Variants in SAMSN1 observed in about 807,000 individuals in gnomAD.
SAMSN1 encodes the protein SAM domain, SH3 domain and nuclear localization signals 1, also known as SAM domain-containing protein SAMSN-1.
Under a neutral mutation model 42.0 loss-of-function variants are expected in SAMSN1, and 31 were observed. That is an observed-to-expected ratio of 0.74 (90% CI 0.55 to 1.00). The LOEUF (loss-of-function observed/expected upper bound fraction) is 1.00, where lower values mean the gene tolerates loss of function less well. Ranked by LOEUF, SAMSN1 falls within the 50% of genes least tolerant of loss-of-function variation. The probability of loss-of-function intolerance (pLI) is 0.00; values close to 1 mark genes in which losing one functional copy is unlikely to be tolerated. For synonymous variants in SAMSN1, 178 were observed against 151.9 expected, an observed-to-expected ratio of 1.17 and a Z score of -1.26; for missense variants, 464 against 439.4, an observed-to-expected ratio of 1.06 and a Z score of -0.50.
chr21:14,606,735 A>T (rs926909240), intron 5 of SAMSN1, among the ~76,000 whole-genome samples: 1 of 152,206 alleles, frequency 6.6e-6, no homozygotes, highest in African/African-American at 2.4e-5. Flanking sequence ...CTTTTAATAG[A>T]ACAGATGTAG....
chr21:14,527,643 A>C (rs1362126004), intron 1 of SAMSN1, among the ~76,000 whole-genome samples: 1 of 152,170 alleles, frequency 6.6e-6, no homozygotes, highest in East Asian at 1.9e-4. Flanking sequence ...CGGTTTTACA[A>C]TGTTTTGTCA....
intron 1 of SAMSN1, among the ~76,000 whole-genome samples, chr21:14,648,018 A>G (rs1024197913): frequency 7.4e-5 from 11 of 149,348 alleles, no homozygotes; most frequent in Non-Finnish European, 1.5e-4. Flanking sequence ...AACTTCCAAC[A>G]CTATGTTGAA....
intron 2 of SAMSN1, among the ~76,000 whole-genome samples, chr21:14,578,131 A>G (rs999088324): frequency 6.6e-6 from 1 of 152,212 alleles, no homozygotes; most frequent in African/African-American, 2.4e-5. Context: ...CTATTTCACT[A>G]AATTTTTCTA....
At chr21:14,620,869 TG>T (rs1161451430) in intron 2 of SAMSN1, among the ~76,000 whole-genome samples, 5 of 152,242 alleles carry the variant, frequency 3.3e-5, no homozygotes, top group African/African-American at 1.2e-4. Context: ...TATGTAAATA[TG>T]TATAACACAC....
intron 1 of SAMSN1, among the ~76,000 whole-genome samples, chr21:14,649,747 G>A (rs1161286531): frequency 6.6e-6 from 1 of 150,634 alleles, no homozygotes; most frequent in Non-Finnish European, 1.5e-5. Flanking sequence ...TCCAGGCTGG[G>A]TGACGGAGTG....
intron 1 of SAMSN1, among the ~76,000 whole-genome samples, chr21:14,531,373 T>C (rs1268365080): frequency 6.6e-6 from 1 of 152,122 alleles, no homozygotes; most frequent in Non-Finnish European, 1.5e-5. Context: ...AAATTATGTC[T>C]ATTCAATTTT....
chr21:14,513,460 A>T (rs1263274837), intron 3 of SAMSN1, among the ~76,000 whole-genome samples: 3 of 152,150 alleles, frequency 2.0e-5, no homozygotes, highest in Non-Finnish European at 2.9e-5. Context: ...AAACAAGATA[A>T]CAGGGTGCTT....
At chr21:14,574,720 A>G (rs1436780350) in intron 2 of SAMSN1, among the ~76,000 whole-genome samples, 1 of 152,186 alleles carries the variant, frequency 6.6e-6, no homozygotes, top group East Asian at 1.9e-4. Flanking sequence ...TTCTCATTTT[A>G]TCTTTATTTT....
chr21:14,568,360 A>G (rs992567618), intron 2 of SAMSN1, among the ~76,000 whole-genome samples: 8 of 152,162 alleles, frequency 5.3e-5, no homozygotes, highest in African/African-American at 1.9e-4. Context: ...GTGCCACTGT[A>G]TGACAGCCAA....
rs77704784 is a variant in SAMSN1, at chr21:14,572,950, C to T, written c.261+9186G>A. ...GTTATCCTCTTTGAGCTTCAGATTTCTACATATAAAATAGAAATAATGATA... is the reference window on the plus strand; with the variant it reads ...GTTATCCTCTTTGAGCTTCAGATTTTTACATATAAAATAGAAATAATGATA... On this transcript the variant is annotated intron_variant, in intron 2 of 8. Coordinates refer to the SAMSN1 transcript ENST00000285670. 6.9e-3 allele frequency among the ~76,000 whole-genome samples: 1,045 copies of T among 152,248 alleles called. 8 individuals are homozygous for T. Among genetic ancestry groups the T allele is most frequent in the African/African-American group, 0.024 (990 of 41,546 alleles).
chr21:14,518,597 A>T (rs1191191085), intron 2 of SAMSN1, among the ~76,000 whole-genome samples: 1 of 152,208 alleles, frequency 6.6e-6, no homozygotes, highest in Admixed American at 6.5e-5. Flanking sequence ...AAATGATGGG[A>T]AACTTCTCTT....
At chr21:14,570,189 G>C (rs1981255166) in intron 2 of SAMSN1, among the ~76,000 whole-genome samples, 1 of 152,032 alleles carries the variant, frequency 6.6e-6, no homozygotes, top group Admixed American at 6.6e-5. Flanking sequence ...CTCTCCACAG[G>C]GAGGAAAAAG....
chr21:14,636,920 T>C (rs1749002572), intron 2 of SAMSN1, among the ~76,000 whole-genome samples: 1 of 152,238 alleles, frequency 6.6e-6, no homozygotes, highest in African/African-American at 2.4e-5. Context: ...TGTTATACTT[T>C]AACATCTGTG....
At chr21:14,487,104 C>G (rs867465239) in intron 7 of SAMSN1, among the ~76,000 whole-genome samples, 1 of 152,066 alleles carries the variant, frequency 6.6e-6, no homozygotes, top group Non-Finnish European at 1.5e-5. Flanking sequence ...CCCTTCTAAC[C>G]TTGGGGCTTC....
At chr21:14,633,318 T>C (rs1397220511) in intron 2 of SAMSN1, among the ~76,000 whole-genome samples, 1 of 152,186 alleles carries the variant, frequency 6.6e-6, no homozygotes, top group Non-Finnish European at 1.5e-5. Flanking sequence ...CCTTCTGCAC[T>C]ACCAAAAGGA....
intron 4 of SAMSN1, among the ~76,000 whole-genome samples, chr21:14,610,307 T>C (rs1039741453): frequency 6.6e-6 from 1 of 152,138 alleles, no homozygotes; most frequent in African/African-American, 2.4e-5. Flanking sequence ...CTTATGTAGC[T>C]ATGGATAGGG....
rs1018810187 is a variant in SAMSN1 at position 14,582,180 on chromosome 21, G to A, written c.217C>T (p.Arg73Cys). The change falls in exon 2 of 9, where the codon CGT becomes TGT. Residue 73 changes from arginine (R) to cysteine (C), a missense_variant. Coordinates refer to the SAMSN1 transcript ENST00000285670. ...ATATCTGAGCAGGAAGACTTGAGAC[G>A]TGTGTGGCGAATACAAGAGGAGCAG... 41 of 1,550,514 alleles carry A rather than the reference G, an allele frequency of 2.6e-5. No individual in the cohort carries two copies. In the African/African-American group the frequency reaches 4.8e-4, roughly 18 times the overall value.
intron 2 of SAMSN1, among the ~76,000 whole-genome samples, chr21:14,634,376 G>A (rs939632430): frequency 2.0e-5 from 3 of 151,966 alleles, no homozygotes; most frequent in African/African-American, 7.2e-5. Context: ...GAATGAACAG[G>A]CAATCTACAG....
intron 2 of SAMSN1, among the ~76,000 whole-genome samples, chr21:14,639,618 C>T (rs459461): frequency 0.65 from 98,145 of 151,966 alleles, 32,754 homozygotes; most frequent in Middle Eastern, 0.79. Context: ...ATAGCATTCT[C>T]ACTCTTTTTC....
Sources: gnomAD v4.1 joint callset for allele counts (sites outside exome capture counted in the v4.1 genomes callset) on GRCh38, gnomAD v4.1.1 for gene constraint, MANE v1.5 for transcripts, NCBI Gene and HGNC (gene_info 2026-07-23, HGNC 2026-07-21) for gene names.